Variants in FGF13 observed in about 807,000 individuals in gnomAD.
The protein encoded by FGF13 is fibroblast growth factor 13.
A neutral mutation model predicts 19.5 loss-of-function variants in FGF13; 2 were observed. The observed-to-expected ratio is 0.10, with a 90% CI of 0.04 to 0.32. The LOEUF is 0.32. Among genes scored for constraint, FGF13 ranks in the 10% least tolerant of loss-of-function variants. FGF13 has a pLI of 1.00. For synonymous variants in FGF13, 72 were observed against 76.9 expected (o/e 0.94, Z 0.33); for missense variants, 113 against 192.7 (o/e 0.59, Z 2.45).
chrX:138,748,320 A>T (rs2090371330), intron 3 of FGF13, among the ~76,000 whole-genome samples: 1 of 111,686 alleles, frequency 9.0e-6, no homozygotes, highest in Non-Finnish European at 1.9e-5. Context: ...GGAGATAATT[A>T]AGGTTACATT....
intron 1 of FGF13, among the ~76,000 whole-genome samples, chrX:139,192,359 T>C (rs991749662): frequency 8.9e-6 from 1 of 112,069 alleles, no homozygotes; most frequent in Non-Finnish European, 1.9e-5. Flanking sequence ...GTCCTGTGAT[T>C]GTCTCTAGGA....
chrX:138,999,778 T>A (rs1241094029), intron 1 of FGF13, among the ~76,000 whole-genome samples: 1 of 112,009 alleles, frequency 8.9e-6, no homozygotes. Context: ...CTGGTACCAT[T>A]CCTTCTGAAA....
At chrX:138,688,019 G>A (rs2089800926) in intron 3 of FGF13, among the ~76,000 whole-genome samples, 1 of 107,190 alleles carries the variant, frequency 9.3e-6, no homozygotes, top group African/African-American at 3.4e-5. Flanking sequence ...TGAGTGGCAC[G>A]ATGTCAGCTC....
In FGF13 at chrX:138,618,002, A is replaced by G. The variant is rs1486854111; in HGVS notation, c.*14848T>C. 3.6e-5 allele frequency: 4 copies of G among 111,824 alleles called. No individual in the cohort carries two copies. The Admixed American group carries it at 3.8e-4, about 11-fold the overall frequency. The allele number at this position is 111,824 out of a possible 1,213,427, so 9.2% of individuals were successfully genotyped here. A position where few individuals can be genotyped will look rare whatever the true frequency, so the allele number is the denominator to read the frequency against. The stretch of plus-strand genomic sequence containing the variant: ...TTATTTTGTAAAACTCAACAATTCC[A>G]AAATAAACTTTATTCAAGGAAAAAA... On this transcript the variant is annotated 3_prime_UTR_variant, in exon 5 of 5. Coordinates refer to ENST00000315930, the MANE Select transcript of FGF13 (RefSeq NM_004114.5).
At chrX:139,106,460 G>C (rs758373608) in intron 1 of FGF13, among the ~76,000 whole-genome samples, 1 of 112,140 alleles carries the variant, frequency 8.9e-6, no homozygotes, top group Non-Finnish European at 1.9e-5. Flanking sequence ...GGAGCCCAGA[G>C]TTTTGCAATT....
intron 1 of FGF13, among the ~76,000 whole-genome samples, chrX:139,013,669 G>A (rs1166066380): frequency 9.3e-6 from 1 of 107,522 alleles, no homozygotes; most frequent in Non-Finnish European, 1.9e-5. Context: ...ACTCATATGT[G>A]GGAGCTAAGC....
rs749531440 is a variant in FGF13 at position 139,021,116 on chromosome X, G to T, written c.-112-156466C>A. On this transcript the variant is annotated intron_variant, in intron 1 of 2. Transcript: ENST00000421460. The stretch of plus-strand genomic sequence containing the variant: ...AGCATCTAAGACGTTCTCCACTAAG[G>T]CCAGCAACCAAAAATAATTAAAATG... 8.1e-4 allele frequency among the ~76,000 whole-genome samples: 90 copies of T among 110,484 alleles called. 1 individual carries two copies. Among genetic ancestry groups the T allele is most frequent in the African/African-American group, 2.8e-3 (86 of 30,518 alleles).
At chrX:138,982,302 G>A (rs1277166431) in intron 1 of FGF13, among the ~76,000 whole-genome samples, 4 of 111,470 alleles carry the variant, frequency 3.6e-5, no homozygotes, top group African/African-American at 1.3e-4. Context: ...GGGACAGGGA[G>A]CCATTATACT....
intron 3 of FGF13, among the ~76,000 whole-genome samples, chrX:138,689,757 T>A (rs775412413): frequency 2.8e-4 from 31 of 112,364 alleles, no homozygotes; most frequent in Non-Finnish European, 5.4e-4. Flanking sequence ...AGAAAATAAC[T>A]CAGCAAAACC....
intron 3 of FGF13, among the ~76,000 whole-genome samples, chrX:138,802,851 C>T (rs1366197169): frequency 9.0e-6 from 1 of 111,626 alleles, no homozygotes. Flanking sequence ...TTTTCGCCCC[C>T]TCCAAAGCAT....
rs2090041755 is a variant in FGF13 at position 138,711,151 on chromosome X, G to A, written c.-148C>T. On this transcript the variant is annotated 5_prime_UTR_variant, in exon 1 of 5. Coordinates refer to ENST00000315930, the MANE Select transcript of FGF13 (RefSeq NM_004114.5). ...GTTTGCCCGGGCTTCTCCGCACTCG[G>A]GCTTCAGCCAAGGAGGGGGCTCAGC... is the stretch of plus-strand genomic sequence containing the variant. 2 of 1,083,307 alleles carry A rather than the reference G, an allele frequency of 1.8e-6. No individual in the cohort carries two copies. The highest frequency in any genetic ancestry group is 7.3e-5 in the Admixed American group (2 of 27,266). 89.3% of individuals were successfully genotyped at this position (1,083,307 alleles called of 1,213,427 possible). A position where few individuals can be genotyped will look rare whatever the true frequency, so the allele number is the denominator to read the frequency against.
At chrX:138,841,609 T>C (rs1408335819) in intron 3 of FGF13, among the ~76,000 whole-genome samples, 3 of 110,826 alleles carry the variant, frequency 2.7e-5, no homozygotes, top group Non-Finnish European at 3.8e-5. Flanking sequence ...GACACTTTAC[T>C]ACGATAAAGG....
chrX:138,732,575 T>A (rs2090240672), intron 1 of FGF13, among the ~76,000 whole-genome samples: 1 of 111,500 alleles, frequency 9.0e-6, no homozygotes, highest in Non-Finnish European at 1.9e-5. Flanking sequence ...ATTAAGTGGT[T>A]TCTTCTGGTG....
At chrX:138,808,691 TCACTAGCAAGACTAATAAAGAAGAAAA>T (rs2090893636) in intron 3 of FGF13, among the ~76,000 whole-genome samples, 1 of 109,056 alleles carries the variant, frequency 9.2e-6, no homozygotes, top group Non-Finnish European at 1.9e-5. Flanking sequence ...ACTAACAAGA[TCACTAGCAAGACTAATAAAGAAGAAAA>T]GAGAGAAGAA....
chrX:139,171,973 T>C (rs954015374), intron 1 of FGF13, among the ~76,000 whole-genome samples: 2 of 112,013 alleles, frequency 1.8e-5, no homozygotes, highest in Non-Finnish European at 3.8e-5. Flanking sequence ...TGCTTCGATG[T>C]GACTGGTTCT....
chrX:139,017,339 G>GTATATATATATATATATA (rs34651307), intron 1 of FGF13, among the ~76,000 whole-genome samples: 3 of 100,228 alleles, frequency 3.0e-5, no homozygotes, highest in African/African-American at 1.1e-4. Context: ...ATACATGTAT[G>GTATATATATATATATATA]TATATATATA....
In FGF13 at chrX:138,703,582, C is replaced by T. The variant is rs2089967609; in HGVS notation, c.299-495G>A. Among the ~76,000 whole-genome samples, 4 of 112,345 alleles carry T rather than the reference C, an allele frequency of 3.6e-5. No individual in the cohort carries two copies. The Admixed American group carries it at 3.8e-4, about 11-fold the overall frequency. Reference sequence around the variant, plus strand: ...AAATCTACCTGTTGGGTAGAGAGTCCTAGACTTTTAGAAGAGTCCAATGCC... The same window carrying T: ...AAATCTACCTGTTGGGTAGAGAGTCTTAGACTTTTAGAAGAGTCCAATGCC... On this transcript the variant is annotated intron_variant, in intron 2 of 4. Coordinates refer to ENST00000315930, the MANE Select transcript of FGF13 (RefSeq NM_004114.5).
At chrX:139,127,683 C>T (rs1438306160) in intron 1 of FGF13, among the ~76,000 whole-genome samples, 2 of 111,784 alleles carry the variant, frequency 1.8e-5, no homozygotes, top group African/African-American at 6.5e-5. Flanking sequence ...GTCACAAGGG[C>T]TAAGGAGAAT....
At chrX:138,949,955 C>T (rs1174170898) in intron 1 of FGF13, among the ~76,000 whole-genome samples, 2 of 111,699 alleles carry the variant, frequency 1.8e-5, no homozygotes, top group Non-Finnish European at 3.8e-5. Context: ...CATGTATTGA[C>T]TCTGAAAACA....
Sources: allele counts gnomAD v4.1 joint callset (sites outside exome capture counted in the v4.1 genomes callset), GRCh38; gene constraint gnomAD v4.1.1; transcripts MANE v1.5; gene names NCBI Gene and HGNC (gene_info 2026-07-23, HGNC 2026-07-21).